The following PCDH7 variants were observed in gnomAD, a reference collection of about 807,000 sequenced individuals.
The protein encoded by PCDH7 is protocadherin 7.
In PCDH7, 17 loss-of-function variants were observed where a neutral mutation model predicts 58.9. The ratio of observed to expected loss-of-function variants is 0.29; its 90% CI spans 0.20 to 0.43. The LOEUF (loss-of-function observed/expected upper bound fraction) is 0.43. Ranked by LOEUF, PCDH7 falls within the 20% of genes least tolerant of loss-of-function variation. PCDH7 has a pLI of 1.00. For missense variants in PCDH7, 1,274 were observed against 1,441.0 expected, an observed-to-expected ratio of 0.88 and a Z score of 1.88; for synonymous variants, 664 against 616.4, an observed-to-expected ratio of 1.08 and a Z score of -1.14.
intron 2 of PCDH7, among the ~76,000 whole-genome samples, chr4:30,947,157 C>T (rs1746795707): frequency 1.3e-5 from 2 of 152,094 alleles, no homozygotes. Flanking sequence ...AATATCTGTA[C>T]TTCTACCATG....
At chr4:30,963,011 G>C (rs1271877791) in intron 3 of PCDH7, among the ~76,000 whole-genome samples, 1 of 152,100 alleles carries the variant, frequency 6.6e-6, no homozygotes, top group African/African-American at 2.4e-5. Context: ...CCAATCAGAG[G>C]AAGTGTGGGA....
chr4:30,840,636 A>C (rs751914640), intron 1 of PCDH7, among the ~76,000 whole-genome samples: 100 of 152,300 alleles, frequency 6.6e-4, no homozygotes, highest in Non-Finnish European at 1.2e-3. Context: ...AACTACGCAG[A>C]GGGCAAATTC....
At chr4:30,784,261 T>C (rs922148707) in intron 1 of PCDH7, among the ~76,000 whole-genome samples, 4 of 152,170 alleles carry the variant, frequency 2.6e-5, no homozygotes, top group African/African-American at 9.6e-5. Context: ...ATAAACTCAA[T>C]AAGTGATTCA....
At chr4:30,803,161 T>C (rs1725745954) in intron 1 of PCDH7, among the ~76,000 whole-genome samples, 1 of 152,070 alleles carries the variant, frequency 6.6e-6, no homozygotes, top group African/African-American at 2.4e-5. Flanking sequence ...TTTGTGAGCA[T>C]GAGTGAGTGG....
chr4:30,936,113 C>T (rs1466655979), intron 2 of PCDH7, among the ~76,000 whole-genome samples: 1 of 151,936 alleles, frequency 6.6e-6, no homozygotes, highest in East Asian at 1.9e-4. Flanking sequence ...CCTTATTAAA[C>T]ATACAAAAAG....
intron 3 of PCDH7, among the ~76,000 whole-genome samples, chr4:30,974,218 CTCTT>C (rs896493766): frequency 1.6e-4 from 19 of 121,526 alleles, no homozygotes; most frequent in Admixed American, 8.0e-4. Flanking sequence ...TTCTTTCTTT[CTCTT>C]TCTTTCTTTC....
At chr4:31,085,226 G>A (rs1341068818) in intron 3 of PCDH7, among the ~76,000 whole-genome samples, 3 of 152,014 alleles carry the variant, frequency 2.0e-5, no homozygotes, top group Non-Finnish European at 2.9e-5. Flanking sequence ...GTTTCTGGGT[G>A]GGGCCGCAAG....
intron 1 of PCDH7, among the ~76,000 whole-genome samples, chr4:30,760,138 C>A (rs931713424): frequency 5.9e-5 from 9 of 152,208 alleles, no homozygotes; most frequent in African/African-American, 2.2e-4. Context: ...TTAGTATCCC[C>A]CAGTGTTTCT....
intron 3 of PCDH7, among the ~76,000 whole-genome samples, chr4:30,982,236 G>T (rs2109111801): frequency 6.6e-6 from 1 of 152,314 alleles, no homozygotes; most frequent in Non-Finnish European, 1.5e-5. Flanking sequence ...TCACACAGGA[G>T]CAGTGTGCCA....
intron 3 of PCDH7, among the ~76,000 whole-genome samples, chr4:31,096,971 C>T (rs1418718065): frequency 6.6e-6 from 1 of 151,406 alleles, no homozygotes; most frequent in Non-Finnish European, 1.5e-5. Flanking sequence ...TGTGTATGTG[C>T]TTTTCATGAG....
intron 1 of PCDH7, among the ~76,000 whole-genome samples, chr4:30,882,325 C>T (rs6823602): frequency 0.036 from 5,505 of 151,842 alleles, 326 homozygotes; most frequent in African/African-American, 0.13. Context: ...TGCAATGGGG[C>T]GGTCATAGGT....
intron 1 of PCDH7, among the ~76,000 whole-genome samples, chr4:30,738,425 T>C (rs1439409333): frequency 6.6e-6 from 1 of 152,056 alleles, no homozygotes; most frequent in Non-Finnish European, 1.5e-5. Flanking sequence ...ATTACTATCG[T>C]TTTTGTGAAA....
At chr4:30,827,275 C>T (rs536749388) in intron 1 of PCDH7, among the ~76,000 whole-genome samples, 2 of 152,098 alleles carry the variant, frequency 1.3e-5, no homozygotes, top group South Asian at 4.1e-4. Flanking sequence ...ATAGATATTG[C>T]AATTTCCATT....
intron 3 of PCDH7, among the ~76,000 whole-genome samples, chr4:31,056,516 A>AGAAAGAAC (rs1757248977): frequency 1.1e-5 from 1 of 95,030 alleles, no homozygotes; most frequent in Non-Finnish European, 2.2e-5. Flanking sequence ...AAAGAAAGAA[A>AGAAAGAAC]GGGGAAGGGA....
At chr4:30,970,554 A>C (rs1749494458) in intron 3 of PCDH7, among the ~76,000 whole-genome samples, 2 of 152,148 alleles carry the variant, frequency 1.3e-5, no homozygotes, top group Admixed American at 1.3e-4. Context: ...CGGCCTCCCA[A>C]AGTGCTGGGA....
In PCDH7 at chr4:31,132,591, C is replaced by T. The variant is rs116652784; in HGVS notation, c.*8-9882C>T. Among the ~76,000 whole-genome samples the T allele has an allele frequency of 7.4e-3, 1,119 of 152,156 alleles. 10 individuals carry two copies. Among genetic ancestry groups the T allele is most frequent in the African/African-American group, 0.025 (1,051 of 41,522 alleles). On this transcript the variant is annotated intron_variant, in intron 3 of 3. Coordinates refer to the PCDH7 transcript ENST00000509759. ...TGATGTAAAATTTGATAATTTGAGA[C>T]CATTAAAATGAAGTGGCTCTAAATT... is the stretch of plus-strand genomic sequence containing the variant.
At position 30,811,397 on chromosome 4, in the gene PCDH7, A is replaced by G. The variant is rs190748737; in HGVS notation, c.70+86801A>G. 8.5e-5 allele frequency among the ~76,000 whole-genome samples: 13 copies of G among 152,110 alleles called. No individual in the cohort carries two copies. In the East Asian group the frequency reaches 2.3e-3, roughly 27 times the overall value. On this transcript the variant is annotated intron_variant, in intron 1 of 3. Coordinates refer to the PCDH7 transcript ENST00000509759. Reference sequence around the variant, plus strand: ...ACGCCAAACATAATCAATTACCTATAAAAAAAAGGATGACAGTTTAATTGG... The same window carrying G: ...ACGCCAAACATAATCAATTACCTATGAAAAAAAGGATGACAGTTTAATTGG...
chr4:30,949,933 A>G (rs978079737), intron 2 of PCDH7, among the ~76,000 whole-genome samples: 5 of 152,170 alleles, frequency 3.3e-5, no homozygotes, highest in Non-Finnish European at 7.3e-5. Context: ...GACTGTTCAA[A>G]TTAACACATT....
rs780096792 is a variant in PCDH7 at position 31,111,906 on chromosome 4, T to G, written c.*8-30567T>G. 6.6e-4 allele frequency among the ~76,000 whole-genome samples: 100 copies of G among 152,322 alleles called. 2 individuals are homozygous for G. Among genetic ancestry groups the G allele is most frequent in the Middle Eastern group, 3.4e-3 (1 of 294 alleles). On this transcript the variant is annotated intron_variant, in intron 3 of 3. Coordinates refer to the PCDH7 transcript ENST00000509759. Reference sequence around the variant, plus strand: ...AGAGTTCAAATCCAGCCTGGAGCATTTAAAAGCATAATGATTTGAGCAAGC... The same window carrying G: ...AGAGTTCAAATCCAGCCTGGAGCATGTAAAAGCATAATGATTTGAGCAAGC...
Sources: allele counts gnomAD v4.1 joint callset (sites outside exome capture counted in the v4.1 genomes callset), GRCh38; gene constraint gnomAD v4.1.1; transcripts MANE v1.5; gene names NCBI Gene and HGNC (gene_info 2026-07-23, HGNC 2026-07-21).